MAL2: variants seen among roughly 807,000 people sequenced by gnomAD.
MAL2 encodes the protein protein MAL2.
Under a neutral mutation model 18.1 loss-of-function variants are expected in MAL2, and 17 were observed. That is an observed-to-expected ratio of 0.94 (90% CI 0.64 to 1.41). The LOEUF is 1.41. Ranked by LOEUF, MAL2 falls within the 40% of genes most tolerant of loss-of-function variation. The pLI is 0.00. For missense variants in MAL2, 222 were observed against 231.9 expected (o/e 0.96, Z 0.28); for synonymous variants, 102 against 102.3 (o/e 1.00, Z 0.02).
intron 2 of MAL2, among the ~76,000 whole-genome samples, chr8:119,236,682 C>G (rs1297263519): frequency 2.7e-5 from 4 of 150,892 alleles, no homozygotes; most frequent in East Asian, 3.9e-4. Context: ...CAACCTGCTC[C>G]TGAATGACTA....
At chr8:119,217,183 A>T (rs1817371322) in intron 1 of MAL2, among the ~76,000 whole-genome samples, 1 of 152,172 alleles carries the variant, frequency 6.6e-6, no homozygotes, top group African/African-American at 2.4e-5. Context: ...GTGGATAAAT[A>T]CTTCCGTGGT....
intron 2 of MAL2, among the ~76,000 whole-genome samples, chr8:119,239,858 TAA>T (rs1428035913): frequency 2.8e-5 from 3 of 107,832 alleles, no homozygotes; most frequent in Non-Finnish European, 6.2e-5. Context: ...TATACATATG[TAA>T]CTAACCTGCA....
chr8:119,238,822 C>T (rs1817976370), intron 2 of MAL2, among the ~76,000 whole-genome samples: 1 of 150,920 alleles, frequency 6.6e-6, no homozygotes, highest in Admixed American at 6.6e-5. Flanking sequence ...CCATAAAAAC[C>T]CTAGAAGAAA....
chr8:119,237,228 A>T (rs1347961972), intron 2 of MAL2, among the ~76,000 whole-genome samples: 1 of 150,922 alleles, frequency 6.6e-6, no homozygotes, highest in African/African-American at 2.4e-5. Flanking sequence ...CTCTCCCAAG[A>T]CTAAACCAGG....
In MAL2 at chr8:119,243,512, T is replaced by C. The variant is rs1818091766; in HGVS notation, c.*24T>C. 6.4e-7 allele frequency: 1 copy of C among 1,560,204 alleles called. No homozygotes were observed. Among genetic ancestry groups the C allele is most frequent in the Non-Finnish European group, 8.7e-7 (1 of 1,150,380 alleles). On this transcript the variant is annotated 3_prime_UTR_variant, in exon 4 of 4. Transcript: ENST00000614891. Reference sequence around the variant, plus strand: ...AACACTCCTTAGAAACTGGCAGTCGTATGTTAGTTTCACTTGTCTACTTTA... The same window carrying C: ...AACACTCCTTAGAAACTGGCAGTCGCATGTTAGTTTCACTTGTCTACTTTA...
chr8:119,214,621 A>G (rs1306642203), intron 1 of MAL2, among the ~76,000 whole-genome samples: 1 of 152,190 alleles, frequency 6.6e-6, no homozygotes, highest in Non-Finnish European at 1.5e-5. Flanking sequence ...AAAGAACCAG[A>G]ACATATTTCT....
intron 2 of MAL2, among the ~76,000 whole-genome samples, chr8:119,234,672 C>T (rs922052438): frequency 6.6e-6 from 1 of 151,842 alleles, no homozygotes; most frequent in Non-Finnish European, 1.5e-5. Flanking sequence ...AACAGCCTAA[C>T]TGGGAGGCAC....
intron 2 of MAL2, among the ~76,000 whole-genome samples, chr8:119,227,090 A>G (rs756340205): frequency 2.6e-5 from 4 of 152,238 alleles, no homozygotes; most frequent in Non-Finnish European, 5.9e-5. Flanking sequence ...ACAATTGTGA[A>G]AAAAGACAGA....
intron 2 of MAL2, among the ~76,000 whole-genome samples, chr8:119,227,870 T>C (rs1817627830): frequency 6.6e-6 from 1 of 152,110 alleles, no homozygotes; most frequent in Non-Finnish European, 1.5e-5. Context: ...ACTGACCATT[T>C]TACATTCCTC....
rs771122742 is a variant in MAL2 at position 119,240,208 on chromosome 8, C to T, written c.347C>T (p.Ala116Val). ...ACAGTATTTGTCTTCTATTTTGGAGCCTTTTTATTGGAAGCAGCAGCCACA... is the reference window on the plus strand; with the variant it reads ...ACAGTATTTGTCTTCTATTTTGGAGTCTTTTTATTGGAAGCAGCAGCCACA... ...HFTVFVFYFGAFLLEAAATSL... is the reference protein window; with the variant it reads ...HFTVFVFYFGVFLLEAAATSL... Residue 116 changes from alanine (A) to valine (V), a missense_variant, in exon 3 of 4, where the codon GCC (alanine) becomes GTC (valine). Coordinates refer to ENST00000614891, the MANE Select transcript of MAL2 (RefSeq NM_052886.3). 3 of 1,613,596 alleles carry T rather than the reference C, an allele frequency of 1.9e-6. No individual in the cohort carries two copies. In the South Asian group the frequency reaches 3.3e-5, roughly 18 times the overall value.
chr8:119,240,935 G>T (rs1428661079), intron 3 of MAL2, among the ~76,000 whole-genome samples: 1 of 152,098 alleles, frequency 6.6e-6, no homozygotes, highest in East Asian at 1.9e-4. Context: ...GTCATTTTGT[G>T]TAGATAATTT....
intron 2 of MAL2, 120 bp downstream of exon 2, chr8:119,221,877 A>G: frequency 4.7e-6 from 5 of 1,068,600 alleles, no homozygotes; most frequent in Non-Finnish European, 6.6e-6. Context: ...CGGTCCAACC[A>G]CAGAGACTGC....
intron 3 of MAL2, 151 bp from the exon 4 acceptor site, chr8:119,243,266 C>CAA (rs201266588): frequency 6.3e-3 from 2,805 of 441,798 alleles, no homozygotes; most frequent in South Asian, 8.6e-3. Context: ...TACAAATCAT[C>CAA]AAAAAAAAAA....
intron 1 of MAL2, among the ~76,000 whole-genome samples, chr8:119,214,561 A>G (rs1202339954): frequency 1.3e-5 from 2 of 152,200 alleles, no homozygotes. Context: ...ACCTGCAAAC[A>G]TGAAAAGGGA....
chr8:119,231,441 A>G (rs906321824), intron 2 of MAL2, among the ~76,000 whole-genome samples: 5 of 152,222 alleles, frequency 3.3e-5, no homozygotes, highest in Non-Finnish European at 5.9e-5. Flanking sequence ...GAAATCAATA[A>G]TAGGTTTGAT....
Position 119,238,907 on chromosome 8 carries a change from C to A in MAL2, c.304-1258C>A, listed in dbSNP as rs1266557441. On this transcript the variant is annotated intron_variant, in intron 2 of 3. Coordinates refer to ENST00000614891, the MANE Select transcript of MAL2 (RefSeq NM_052886.3). ...TAAAACACCAAAAGCAATGGCAACA[C>A]AAGCCAAAATTGACAAATGGGAGCT... Among the ~76,000 whole-genome samples the A allele has an allele frequency of 7.3e-5, 11 of 151,700 alleles. No individual in the cohort carries two copies. The South Asian group carries it at 1.2e-3, about 17-fold the overall frequency.
At chr8:119,213,358 G>C (rs1447385750) in intron 1 of MAL2, among the ~76,000 whole-genome samples, 1 of 115,420 alleles carries the variant, frequency 8.7e-6, no homozygotes, top group Non-Finnish European at 1.8e-5. Flanking sequence ...TATATGTTCT[G>C]ATGTATAGAG....
At chr8:119,238,239 G>A (rs1817957248) in intron 2 of MAL2, among the ~76,000 whole-genome samples, 2 of 151,936 alleles carry the variant, frequency 1.3e-5, no homozygotes. Flanking sequence ...GGGACATGAA[G>A]GACCTCTTCA....
intron 2 of MAL2, among the ~76,000 whole-genome samples, chr8:119,231,118 A>G (rs1426374592): frequency 2.6e-5 from 4 of 151,728 alleles, no homozygotes; most frequent in Non-Finnish European, 5.9e-5. Context: ...TGCAAGCTCC[A>G]CCTCCCAGGT....
Sources: allele counts gnomAD v4.1 joint callset (sites outside exome capture counted in the v4.1 genomes callset), GRCh38; gene constraint gnomAD v4.1.1; transcripts MANE v1.5; gene names NCBI Gene and HGNC (gene_info 2026-07-23, HGNC 2026-07-21).